Variants in TMEM263 observed in about 807,000 individuals in gnomAD.
TMEM263 encodes UPF0444 transmembrane protein C12orf23.
TMEM263 carries 5 observed loss-of-function variants against 8.6 expected under a neutral mutation model. The ratio of observed to expected loss-of-function variants is 0.58; its 90% CI spans 0.31 to 1.23. The LOEUF is 1.23. Among genes scored for constraint, TMEM263 ranks in the 50% most tolerant of loss-of-function variants. TMEM263 has a pLI of 0.07. For missense variants in TMEM263, 104 were observed against 138.8 expected (o/e 0.75, Z 1.26); for synonymous variants, 50 against 47.9 (o/e 1.04, Z -0.18).
Position 106,956,075 on chromosome 12 carries a change from T to TC in TMEM263, c.-75+11dup, listed in dbSNP as rs1951684537. 1.0e-6 allele frequency: 1 copy of TC among 981,530 alleles called. No individual in the cohort carries two copies. The highest frequency in any genetic ancestry group is 4.7e-5 in the South Asian group (1 of 21,218). 60.8% of individuals were successfully genotyped at this position (981,530 alleles called of 1,614,324 possible). On this transcript the variant is annotated intron_variant, in intron 1 of 3. Coordinates refer to ENST00000280756, the MANE Select transcript of TMEM263 (RefSeq NM_152261.4). ...GGCCGCGACCCCGGCGGTGAGTGAG[T>TC]CGGGATGCGAGGGCAGGGGCGCAGT...
At position 106,973,514 on chromosome 12, in the gene TMEM263, C is replaced by T. The variant is rs1050847401; in HGVS notation, c.*2123C>T. 1 of 152,518 alleles carries T rather than the reference C, an allele frequency of 6.6e-6. No homozygotes were observed. The highest frequency in any genetic ancestry group is 1.5e-5 in the Non-Finnish European group (1 of 68,002). 9.4% of individuals were successfully genotyped at this position (152,518 alleles called of 1,614,324 possible). A position where few individuals can be genotyped will look rare whatever the true frequency, so the allele number is the denominator to read the frequency against. On this transcript the variant is annotated 3_prime_UTR_variant, in exon 4 of 4. Coordinates refer to ENST00000280756, the MANE Select transcript of TMEM263 (RefSeq NM_152261.4). ...TCTGCTACAGAAAAGCCACCTGGTACGTTTTGTCTCATCAGGATTGTTTTA... is the reference window on the plus strand; with the variant it reads ...TCTGCTACAGAAAAGCCACCTGGTATGTTTTGTCTCATCAGGATTGTTTTA...
At chr12:106,961,588 C>G (rs1044431345) in intron 2 of TMEM263, among the ~76,000 whole-genome samples, 2 of 152,002 alleles carry the variant, frequency 1.3e-5, no homozygotes, top group Non-Finnish European at 2.9e-5. Context: ...TTTAAGCTTC[C>G]AGGAAGCCAA....
intron 2 of TMEM263, 165 bp from the exon 3 acceptor site, chr12:106,966,946 C>A (rs79078562): frequency 0.035 from 19,738 of 567,876 alleles, 428 homozygotes; most frequent in African/African-American, 0.08. Flanking sequence ...TTATTAAATG[C>A]CGCAGTTTGA....
At chr12:106,957,029 T>C in intron 1 of TMEM263, 53 bp from the exon 2 acceptor site, 1 of 955,218 alleles carries the variant, frequency 1.0e-6, no homozygotes, top group Non-Finnish European at 1.2e-6. Context: ...CTGTGCTAAT[T>C]CCAAATGAAA....
At chr12:106,956,744 C>T (rs997622667) in intron 1 of TMEM263, 7 of 152,386 alleles carry the variant, frequency 4.6e-5, no homozygotes, top group South Asian at 4.1e-4. Context: ...GTCCTAAACC[C>T]TTCTTACATA....
rs55948879 is a variant in TMEM263 at position 106,957,165 on chromosome 12, CGTGTGTGT to C, written c.-7+55_-7+62del. ...ACACCAACAGGTAAACGCGCGCGCCCGTGTGTGTGTGTGTGTGTGTGTGTGTGTGTGTG... is the reference window on the plus strand; with the variant it reads ...ACACCAACAGGTAAACGCGCGCGCCCGTGTGTGTGTGTGTGTGTGTGTGTG... On this transcript the variant is annotated intron_variant, in intron 2 of 3. Transcript: ENST00000280756. The C allele has an allele frequency of 0.066, 55,947 of 846,726 alleles. 1,297 individuals carry two copies. Among genetic ancestry groups the C allele is most frequent in the South Asian group, 0.067 (1,257 of 18,738 alleles). 52.5% of individuals were successfully genotyped at this position (846,726 alleles called of 1,614,324 possible).
chr12:106,970,574 G>A (rs762093267), intron 3 of TMEM263, among the ~76,000 whole-genome samples: 1 of 152,140 alleles, frequency 6.6e-6, no homozygotes, highest in Non-Finnish European at 1.5e-5. Flanking sequence ...AAAGTGAAAA[G>A]ACAAATGATA....
intron 2 of TMEM263, among the ~76,000 whole-genome samples, chr12:106,960,607 T>C (rs1379092081): frequency 2.6e-5 from 4 of 152,160 alleles, no homozygotes; most frequent in Non-Finnish European, 5.9e-5. Context: ...AATGAACTCA[T>C]GGTGGGCGTG....
Position 106,957,091 on chromosome 12 carries a change from C to G in TMEM263, c.-65C>G. Reference sequence around the variant, plus strand: ...GTATGCTATTGTTTAGCCTTTGAAACTTCTGCTGGTGTGAGTGCCCTCAGG... The same window carrying G: ...GTATGCTATTGTTTAGCCTTTGAAAGTTCTGCTGGTGTGAGTGCCCTCAGG... On this transcript the variant is annotated 5_prime_UTR_variant, in exon 2 of 4. Transcript: ENST00000280756. 1 of 985,460 alleles carries G rather than the reference C, an allele frequency of 1.0e-6. No individual in the cohort carries two copies. The highest frequency in any genetic ancestry group is 1.2e-6 in the Non-Finnish European group (1 of 829,982). The allele number at this position is 985,460 out of a possible 1,614,324, so 61.0% of individuals were successfully genotyped here. A position where few individuals can be genotyped will look rare whatever the true frequency, so the allele number is the denominator to read the frequency against.
chr12:106,960,961 T>C (rs1460519298), intron 2 of TMEM263, among the ~76,000 whole-genome samples: 2 of 152,126 alleles, frequency 1.3e-5, no homozygotes, highest in Non-Finnish European at 2.9e-5. Flanking sequence ...TATTGGTAGG[T>C]ATTTCTTCTT....
chr12:106,971,462 C>T lies in TMEM263; in HGVS notation c.*71C>T. On this transcript the variant is annotated 3_prime_UTR_variant, in exon 4 of 4. Coordinates refer to ENST00000280756, the MANE Select transcript of TMEM263 (RefSeq NM_152261.4). ...CATTGAATTGCTAAATTATGGACTACAACCAAGTCAACTGTTTTGGACGTT... is the reference window on the plus strand; with the variant it reads ...CATTGAATTGCTAAATTATGGACTATAACCAAGTCAACTGTTTTGGACGTT... The T allele has an allele frequency of 7.0e-7, 1 of 1,429,918 alleles. No individual in the cohort carries two copies. The allele number at this position is 1,429,918 out of a possible 1,614,324, so 88.6% of individuals were successfully genotyped here. A position where few individuals can be genotyped will look rare whatever the true frequency, so the allele number is the denominator to read the frequency against.
intron 2 of TMEM263, among the ~76,000 whole-genome samples, chr12:106,966,235 C>T (rs189841368): frequency 1.2e-4 from 19 of 152,218 alleles, no homozygotes; most frequent in South Asian, 4.1e-4. Context: ...TGAGAAAATG[C>T]GGTATTTGGT....
At chr12:106,968,978 C>T (rs1322623936) in intron 3 of TMEM263, among the ~76,000 whole-genome samples, 1 of 152,084 alleles carries the variant, frequency 6.6e-6, no homozygotes, top group Non-Finnish European at 1.5e-5. Flanking sequence ...TTACTTCAGT[C>T]ATTAAAAATT....
Position 106,959,077 on chromosome 12 carries a change from T to C in TMEM263, c.-7+1928T>C, listed in dbSNP as rs776001361. On this transcript the variant is annotated intron_variant, in intron 2 of 3. Coordinates refer to ENST00000280756, the MANE Select transcript of TMEM263 (RefSeq NM_152261.4). Reference sequence around the variant, plus strand: ...ACTCTGGTTTAGAGTAGTGCCTGTGTGTGCTTAATCACACTGAACTCCTAA... The same window carrying C: ...ACTCTGGTTTAGAGTAGTGCCTGTGCGTGCTTAATCACACTGAACTCCTAA... Among the ~76,000 whole-genome samples, 105 of 152,268 alleles carry C rather than the reference T, an allele frequency of 6.9e-4. 1 individual carries two copies. Among genetic ancestry groups the C allele is most frequent in the Non-Finnish European group, 4.0e-4 (27 of 68,044 alleles).
Position 106,956,053 on chromosome 12 carries a change from C to T in TMEM263, c.-87C>T, listed in dbSNP as rs1951683838. The T allele has an allele frequency of 2.0e-6, 2 of 985,338 alleles. No homozygotes were observed. The highest frequency in any genetic ancestry group is 2.4e-6 in the Non-Finnish European group (2 of 829,864). 61.0% of individuals were successfully genotyped at this position (985,338 alleles called of 1,614,324 possible). Reference sequence around the variant, plus strand: ...GCCCGGCCCCAGCCCTAGCGCTGGCCGCGACCCCGGCGGTGAGTGAGTCGG... The same window carrying T: ...GCCCGGCCCCAGCCCTAGCGCTGGCTGCGACCCCGGCGGTGAGTGAGTCGG... On this transcript the variant is annotated 5_prime_UTR_variant, in exon 1 of 4. Coordinates refer to ENST00000280756, the MANE Select transcript of TMEM263 (RefSeq NM_152261.4).
intron 3 of TMEM263, among the ~76,000 whole-genome samples, chr12:106,970,585 T>C (rs557477898): frequency 6.6e-6 from 1 of 152,302 alleles, no homozygotes; most frequent in Admixed American, 6.5e-5. Context: ...ACAAATGATA[T>C]TTTAATAATA....
chr12:106,965,677 T>C (rs1336508385), intron 2 of TMEM263, among the ~76,000 whole-genome samples: 1 of 151,954 alleles, frequency 6.6e-6, no homozygotes, highest in Non-Finnish European at 1.5e-5. Flanking sequence ...CTCCATAGCA[T>C]ATAAATACCA....
rs1176402531 is a variant in TMEM263 at position 106,971,571 on chromosome 12, G to T, written c.*180G>T. 1.9e-6 allele frequency: 1 copy of T among 528,098 alleles called. No individual in the cohort carries two copies. Among genetic ancestry groups the T allele is most frequent in the Non-Finnish European group, 3.1e-6 (1 of 321,984 alleles). The allele number at this position is 528,098 out of a possible 1,614,324, so 32.7% of individuals were successfully genotyped here. ...GACCAATACGAGCACAGTATATGAA[G>T]GTTTCTCATACTTAAGTTCCAGGTT... On this transcript the variant is annotated 3_prime_UTR_variant, in exon 4 of 4. Coordinates refer to ENST00000280756, the MANE Select transcript of TMEM263 (RefSeq NM_152261.4).
intron 2 of TMEM263, among the ~76,000 whole-genome samples, chr12:106,965,382 G>A (rs567155176): frequency 6.4e-4 from 97 of 152,180 alleles, no homozygotes; most frequent in Non-Finnish European, 7.5e-4. Context: ...CGAGGTAGGC[G>A]GATCATCTGA....
Sources: gnomAD v4.1 joint callset for allele counts (sites outside exome capture counted in the v4.1 genomes callset) on GRCh38, gnomAD v4.1.1 for gene constraint, MANE v1.5 for transcripts, NCBI Gene and HGNC (gene_info 2026-07-23, HGNC 2026-07-21) for gene names.